Variants in FSTL5 observed in about 807,000 individuals in gnomAD.
FSTL5 encodes follistatin-related protein 5.
Under a neutral mutation model 89.1 loss-of-function variants are expected in FSTL5, and 62 were observed. That is an observed-to-expected ratio of 0.70 (90% CI 0.57 to 0.86). The LOEUF (loss-of-function observed/expected upper bound fraction) is 0.86. FSTL5 is among the 40% of genes least tolerant of loss of function. The probability of loss-of-function intolerance (pLI) is 0.00; values close to 1 mark genes in which losing one functional copy is unlikely to be tolerated. For synonymous variants in FSTL5, 383 were observed against 346.2 expected, an observed-to-expected ratio of 1.11 and a Z score of -1.18; for missense variants, 1,057 against 1,001.6, an observed-to-expected ratio of 1.06 and a Z score of -0.75.
At chr4:161,567,398 A>G (rs1732857028) in intron 8 of FSTL5, among the ~76,000 whole-genome samples, 1 of 152,154 alleles carries the variant, frequency 6.6e-6, no homozygotes, top group African/African-American at 2.4e-5. Context: ...TTTAAGATCA[A>G]ATAAGCCTCA....
chr4:161,607,917 T>C (rs1002652084), intron 7 of FSTL5, among the ~76,000 whole-genome samples: 7 of 152,178 alleles, frequency 4.6e-5, no homozygotes, highest in Non-Finnish European at 7.4e-5. Context: ...ATCAATACTG[T>C]GCTTCTTAAA....
chr4:161,707,606 C>T (rs1195014968), intron 6 of FSTL5, among the ~76,000 whole-genome samples: 2 of 151,744 alleles, frequency 1.3e-5, no homozygotes, highest in East Asian at 3.9e-4. Context: ...ATTTTTCTTC[C>T]AATTTTTTCA....
chr4:161,867,976 C>T (rs933115102), intron 4 of FSTL5, among the ~76,000 whole-genome samples: 1 of 151,840 alleles, frequency 6.6e-6, no homozygotes. Context: ...TAGGTGAACA[C>T]ATAAAAAATT....
chr4:162,149,598 A>AGCTGCGATCATGCC (rs1312925543), intron 1 of FSTL5, among the ~76,000 whole-genome samples: 1 of 152,100 alleles, frequency 6.6e-6, no homozygotes, highest in African/African-American at 2.4e-5. Context: ...GGCTGCAGTG[A>AGCTGCGATCATGCC]GCTGCGATCA....
intron 4 of FSTL5, among the ~76,000 whole-genome samples, chr4:161,780,621 A>G (rs1419725554): frequency 6.6e-6 from 1 of 152,200 alleles, no homozygotes; most frequent in Non-Finnish European, 1.5e-5. Flanking sequence ...TTCTAAGGGC[A>G]GGGAAAATCC....
rs1371743657 is a variant in FSTL5 at position 161,384,315 on chromosome 4, A to G, written c.*1432T>C. 1.3e-5 allele frequency: 2 copies of G among 152,160 alleles called. No homozygotes were observed. Among genetic ancestry groups the G allele is most frequent in the Non-Finnish European group, 2.9e-5 (2 of 67,990 alleles). 9.4% of individuals were successfully genotyped at this position (152,160 alleles called of 1,614,324 possible). On this transcript the variant is annotated 3_prime_UTR_variant, in exon 16 of 16. Transcript: ENST00000306100. ...TAAATGGAGGTCATTTCAACAGCCC[A>G]TTAACATTTTTTTGCAACAATAAAA... is the stretch of plus-strand genomic sequence containing the variant.
At chr4:161,646,494 T>G (rs1032382151) in intron 7 of FSTL5, among the ~76,000 whole-genome samples, 1 of 151,946 alleles carries the variant, frequency 6.6e-6, no homozygotes, top group African/African-American at 2.4e-5. Context: ...TATAATATTC[T>G]CTATTAAGAA....
At chr4:161,961,544 T>G (rs911651636) in intron 3 of FSTL5, among the ~76,000 whole-genome samples, 2 of 150,778 alleles carry the variant, frequency 1.3e-5, no homozygotes, top group African/African-American at 4.9e-5. Flanking sequence ...TATATATACA[T>G]ATACATATAT....
chr4:161,633,678 A>G (rs1249195332), intron 7 of FSTL5, among the ~76,000 whole-genome samples: 3 of 152,220 alleles, frequency 2.0e-5, no homozygotes, highest in East Asian at 3.9e-4. Context: ...AATTAAGAGT[A>G]TATCTTTCTA....
At chr4:162,086,399 T>C (rs1168991413) in intron 2 of FSTL5, among the ~76,000 whole-genome samples, 1 of 151,768 alleles carries the variant, frequency 6.6e-6, no homozygotes, top group Non-Finnish European at 1.5e-5. Context: ...ATTTTGATAA[T>C]AAACTTATTT....
At position 161,956,419 on chromosome 4, in the gene FSTL5, A is replaced by G. The variant is rs530224694; in HGVS notation, c.161-35767T>C. ...AAAGCAAATTTTGTAAAGGTATGAA[A>G]GTCTTATCCAAAGCCTCACAATTAA... is the stretch of plus-strand genomic sequence containing the variant. On this transcript the variant is annotated intron_variant, in intron 3 of 15. Coordinates refer to ENST00000306100, the MANE Select transcript of FSTL5 (RefSeq NM_020116.5). Among the ~76,000 whole-genome samples the G allele has an allele frequency of 1.8e-3, 274 of 152,074 alleles. 1 individual carries two copies. The highest frequency in any genetic ancestry group is 6.2e-3 in the African/African-American group (259 of 41,556).
intron 2 of FSTL5, among the ~76,000 whole-genome samples, chr4:162,108,173 A>T (rs1249600628): frequency 6.6e-6 from 1 of 152,136 alleles, no homozygotes; most frequent in Non-Finnish European, 1.5e-5. Flanking sequence ...GTGGATTATA[A>T]GTAAGATTTC....
At chr4:161,461,018 G>C (rs185239396) in intron 13 of FSTL5, among the ~76,000 whole-genome samples, 6 of 151,170 alleles carry the variant, frequency 4.0e-5, no homozygotes, top group African/African-American at 1.5e-4. Flanking sequence ...CATGATTTCT[G>C]AGAATAATAC....
intron 6 of FSTL5, among the ~76,000 whole-genome samples, chr4:161,753,496 G>A (rs1740466780): frequency 6.6e-6 from 1 of 151,962 alleles, no homozygotes; most frequent in Non-Finnish European, 1.5e-5. Flanking sequence ...CTTTGGTTCT[G>A]GCCCCGTCAT....
chr4:162,077,785 T>C (rs1729927893), intron 2 of FSTL5, among the ~76,000 whole-genome samples: 1 of 151,860 alleles, frequency 6.6e-6, no homozygotes, highest in Non-Finnish European at 1.5e-5. Context: ...TTTTGCTTGA[T>C]TTATTAACCA....
intron 1 of FSTL5, among the ~76,000 whole-genome samples, chr4:162,120,933 T>C (rs1731832336): frequency 6.6e-6 from 1 of 152,014 alleles, no homozygotes; most frequent in South Asian, 2.1e-4. Context: ...ACCATCTTTA[T>C]AGAATCATCT....
intron 8 of FSTL5, among the ~76,000 whole-genome samples, chr4:161,584,831 T>G (rs563070027): frequency 1.3e-5 from 2 of 152,266 alleles, no homozygotes; most frequent in African/African-American, 4.8e-5. Flanking sequence ...CTGAAAATCT[T>G]TATACCAAGA....
chr4:162,151,647 G>A (rs953750772), intron 1 of FSTL5, among the ~76,000 whole-genome samples: 12 of 152,006 alleles, frequency 7.9e-5, no homozygotes, highest in African/African-American at 2.7e-4. Flanking sequence ...CTAGAAACTG[G>A]GGCAGTAAAA....
intron 6 of FSTL5, among the ~76,000 whole-genome samples, chr4:161,665,914 G>T (rs1398742838): frequency 1.3e-5 from 2 of 151,942 alleles, no homozygotes; most frequent in Admixed American, 6.6e-5. Flanking sequence ...ATTTAAATAT[G>T]AATGTTAAAG....
Sources: gnomAD v4.1 joint callset for allele counts (sites outside exome capture counted in the v4.1 genomes callset) on GRCh38, gnomAD v4.1.1 for gene constraint, MANE v1.5 for transcripts, NCBI Gene and HGNC (gene_info 2026-07-23, HGNC 2026-07-21) for gene names.